Variants in DGCR2 observed in about 807,000 individuals in gnomAD.
DGCR2 encodes integral membrane protein DGCR2/IDD.
In DGCR2, 24 loss-of-function variants were observed where a neutral mutation model predicts 51.6. That is an observed-to-expected ratio of 0.47 (90% CI 0.34 to 0.65). The LOEUF (loss-of-function observed/expected upper bound fraction) is 0.65. Among genes scored for constraint, DGCR2 ranks in the 30% least tolerant of loss-of-function variants. The probability of loss-of-function intolerance (pLI) is 0.01; values close to 1 mark genes in which losing one functional copy is unlikely to be tolerated. For synonymous variants in DGCR2, 340 were observed against 315.4 expected (o/e 1.08, Z -0.82); for missense variants, 765 against 772.1 (o/e 0.99, Z 0.11).
intron 1 of DGCR2, among the ~76,000 whole-genome samples, chr22:19,099,755 G>A (rs2083181220): frequency 6.6e-6 from 1 of 151,932 alleles, no homozygotes; most frequent in Non-Finnish European, 1.5e-5. Context: ...TGGATCACAA[G>A]GTCAGGAGTT....
intron 3 of DGCR2, among the ~76,000 whole-genome samples, chr22:19,065,473 C>T (rs1281199358): frequency 1.3e-5 from 2 of 152,202 alleles, no homozygotes; most frequent in African/African-American, 4.8e-5. Flanking sequence ...TCCCCTCTCT[C>T]CCTTTTCTAC....
chr22:19,048,119 G>A, intron 7 of DGCR2: 1 of 407,144 alleles, frequency 2.5e-6, no homozygotes, highest in African/African-American at 2.0e-5. Flanking sequence ...CTTAAACCCT[G>A]GAGGCGTAAG....
At chr22:19,062,775 G>GCTCGCTCGCTCTCTCTCTCT (rs1491258740) in intron 5 of DGCR2, among the ~76,000 whole-genome samples, 1 of 108,860 alleles carries the variant, frequency 9.2e-6, no homozygotes. Flanking sequence ...ACACATGCAT[G>GCTCGCTCGCTCTCTCTCTCT]CTCACTCTCT....
At chr22:19,040,948 C>A in intron 9 of DGCR2, 110 bp downstream of exon 9, 1 of 1,002,500 alleles carries the variant, frequency 1.0e-6, no homozygotes. Flanking sequence ...AAGACAAAGC[C>A]GGAAAGAAGT....
At chr22:19,079,292 C>CA (rs2082911625) in intron 2 of DGCR2, among the ~76,000 whole-genome samples, 1 of 152,048 alleles carries the variant, frequency 6.6e-6, no homozygotes, top group African/African-American at 2.4e-5. Context: ...GTAAATATTC[C>CA]AAAATCAGAA....
At chr22:19,113,486 A>T (rs1274793789) in intron 1 of DGCR2, among the ~76,000 whole-genome samples, 1 of 152,178 alleles carries the variant, frequency 6.6e-6, no homozygotes, top group Non-Finnish European at 1.5e-5. Context: ...AGCATACTCT[A>T]GTAGCTAGCA....
At chr22:19,107,617 A>G (rs2083272463) in intron 1 of DGCR2, among the ~76,000 whole-genome samples, 2 of 152,214 alleles carry the variant, frequency 1.3e-5, no homozygotes, top group African/African-American at 4.8e-5. Context: ...GTCCTAAGAA[A>G]AAGGAAGGGA....
chr22:19,043,410 A>AGT (rs1284220662), intron 7 of DGCR2, among the ~76,000 whole-genome samples: 1 of 151,828 alleles, frequency 6.6e-6, no homozygotes, highest in Admixed American at 6.6e-5. Context: ...AGATGACATG[A>AGT]GTGGTAGCAG....
At chr22:19,084,010 G>C (rs557155047) in intron 2 of DGCR2, among the ~76,000 whole-genome samples, 1 of 152,122 alleles carries the variant, frequency 6.6e-6, no homozygotes, top group African/African-American at 2.4e-5. Context: ...ACGGAGTCTC[G>C]TTCACTCAGT....
intron 2 of DGCR2, among the ~76,000 whole-genome samples, chr22:19,071,763 C>T (rs2082818026): frequency 1.3e-5 from 2 of 152,196 alleles, no homozygotes; most frequent in Non-Finnish European, 2.9e-5. Context: ...ATATGGATTA[C>T]ACAGAATAGT....
intron 8 of DGCR2, chr22:19,041,530 C>A (rs890512810): frequency 1.5e-5 from 9 of 608,768 alleles, no homozygotes; most frequent in Non-Finnish European, 2.3e-5. Flanking sequence ...TCTGTCAGAC[C>A]CAGCCTCTGG....
At chr22:19,083,893 A>AT (rs980753239) in intron 2 of DGCR2, among the ~76,000 whole-genome samples, 5 of 151,408 alleles carry the variant, frequency 3.3e-5, no homozygotes, top group East Asian at 1.9e-4. Flanking sequence ...TGGTTTTCAT[A>AT]TTTTTTTTGG....
intron 1 of DGCR2, among the ~76,000 whole-genome samples, chr22:19,101,737 TAA>T (rs764584649): frequency 2.9e-3 from 318 of 110,970 alleles, no homozygotes; most frequent in African/African-American, 0.011. Flanking sequence ...GCAAAACTGT[TAA>T]AAAAAAAAAA....
chr22:19,089,145 G>C (rs529296477), intron 2 of DGCR2, among the ~76,000 whole-genome samples: 41 of 152,314 alleles, frequency 2.7e-4, no homozygotes, highest in African/African-American at 9.4e-4. Flanking sequence ...GCATCTCACG[G>C]GCCTCCCCAC....
In DGCR2 at chr22:19,064,849, T is replaced by C; in HGVS notation, c.547A>G (p.Lys183Glu). Residue 183 changes from lysine (K) to glutamate (E), a missense_variant and splice_region_variant, in exon 4 of 10, where the codon AAG becomes GAG. Coordinates refer to ENST00000263196, the MANE Select transcript of DGCR2 (RefSeq NM_005137.3). ...TCAGGTCCCCAATCCAGGACTCACT[T>C]GCGCTGGTCCTTCCAACCAAAGCTC... The part of the protein sequence containing the change: ...ERSFGWKDQR[K>E]LWVGYQYVIT... 1.2e-6 allele frequency: 2 copies of C among 1,613,332 alleles called. No individual in the cohort carries two copies. Among genetic ancestry groups the C allele is most frequent in the Non-Finnish European group, 1.7e-6 (2 of 1,179,826 alleles).
At chr22:19,048,305 G>A in intron 7 of DGCR2, 135 bp downstream of exon 7, 1 of 918,622 alleles carries the variant, frequency 1.1e-6, no homozygotes. Flanking sequence ...ACATCTCTGT[G>A]ACAAACGCTG....
At position 19,103,896 on chromosome 22, in the gene DGCR2, T is replaced by C. The variant is rs534354076; in HGVS notation, c.80-14406A>G. 7.9e-5 allele frequency among the ~76,000 whole-genome samples: 12 copies of C among 151,632 alleles called. No homozygotes were observed. In the East Asian group the frequency reaches 2.3e-3, roughly 29 times the overall value. ...CCCTGACTCTACAAATAAAATAAAA[T>C]AAAAATTTTATTTTTTATTTTATTA... On this transcript the variant is annotated intron_variant, in intron 1 of 9. Coordinates refer to ENST00000263196, the MANE Select transcript of DGCR2 (RefSeq NM_005137.3).
intron 5 of DGCR2, among the ~76,000 whole-genome samples, chr22:19,059,172 T>C (rs2082633935): frequency 6.6e-6 from 1 of 152,096 alleles, no homozygotes; most frequent in African/African-American, 2.4e-5. Flanking sequence ...CTGTGATTTC[T>C]ATGAGAAACG....
intron 1 of DGCR2, among the ~76,000 whole-genome samples, chr22:19,094,666 A>T (rs2083118599): frequency 6.6e-6 from 1 of 152,260 alleles, no homozygotes; most frequent in African/African-American, 2.4e-5. Context: ...GAGAAATGAA[A>T]GCATATGTCC....
Sources: allele counts gnomAD v4.1 joint callset (sites outside exome capture counted in the v4.1 genomes callset), GRCh38; gene constraint gnomAD v4.1.1; transcripts MANE v1.5; gene names NCBI Gene and HGNC (gene_info 2026-07-23, HGNC 2026-07-21).